The following ROBO2 variants were observed in gnomAD, a reference collection of about 807,000 sequenced individuals.
ROBO2 encodes roundabout guidance receptor 2.
A neutral mutation model predicts 160.8 loss-of-function variants in ROBO2; 53 were observed. That is an observed-to-expected ratio of 0.33 (90% CI 0.26 to 0.41). ROBO2 has a LOEUF of 0.41. ROBO2 is among the 10% of genes least tolerant of loss of function. ROBO2 has a pLI of 1.00. For missense variants in ROBO2, 1,577 were observed against 1,722.4 expected (o/e 0.92, Z 1.49); for synonymous variants, 664 against 611.7 (o/e 1.09, Z -1.26).
chr3:76,398,691 A>G (rs935314903), intron 2 of ROBO2, among the ~76,000 whole-genome samples: 1 of 151,714 alleles, frequency 6.6e-6, no homozygotes, highest in Non-Finnish European at 1.5e-5. Flanking sequence ...TCTAAACTAA[A>G]TATACTAATA....
chr3:77,062,729 G>A (rs562666875), intron 1 of ROBO2, among the ~76,000 whole-genome samples: 1 of 152,252 alleles, frequency 6.6e-6, no homozygotes, highest in South Asian at 2.1e-4. Context: ...CACCAGGAGG[G>A]TCAAGAGGGG....
intron 2 of ROBO2, among the ~76,000 whole-genome samples, chr3:76,394,300 G>A (rs992343485): frequency 1.4e-4 from 21 of 152,110 alleles, no homozygotes; most frequent in Admixed American, 1.2e-3. Flanking sequence ...CTTCCTTCAG[G>A]AGCTCTTTTA....
In ROBO2 at chr3:77,420,103, T is replaced by A. The variant is rs1183650388; in HGVS notation, c.389-57311T>A. Among the ~76,000 whole-genome samples the A allele has an allele frequency of 3.3e-5, 5 of 152,176 alleles. No individual in the cohort carries two copies. In the East Asian group the frequency reaches 9.7e-4, roughly 29 times the overall value. On this transcript the variant is annotated intron_variant, in intron 2 of 25. Coordinates refer to ENST00000461745, the Ensembl canonical transcript of ROBO2. ...CATTCCCCCCAACATTAAAAAAAAATTCTTTAATTTTTAACTTTAAGAAAT... is the reference window on the plus strand; with the variant it reads ...CATTCCCCCCAACATTAAAAAAAAAATCTTTAATTTTTAACTTTAAGAAAT...
At chr3:76,669,919 G>A (rs2092198232) in intron 2 of ROBO2, among the ~76,000 whole-genome samples, 1 of 152,092 alleles carries the variant, frequency 6.6e-6, no homozygotes, top group African/African-American at 2.4e-5. Context: ...AGGGAGACTT[G>A]TTTTCTTATA....
intron 2 of ROBO2, among the ~76,000 whole-genome samples, chr3:77,200,798 GGCT>G (rs1327201553): frequency 1.3e-5 from 2 of 152,048 alleles, no homozygotes; most frequent in African/African-American, 4.8e-5. Flanking sequence ...GTAACTGGAG[GGCT>G]GATATGGTTA....
At chr3:76,967,511 CTTTT>C (rs59372235) in intron 2 of ROBO2, among the ~76,000 whole-genome samples, 4 of 55,386 alleles carry the variant, frequency 7.2e-5, no homozygotes, top group South Asian at 1.9e-3. Context: ...CTGGCCAGCT[CTTTT>C]TTTTTTTTTT....
At chr3:77,404,289 A>G (rs1428711132) in intron 2 of ROBO2, among the ~76,000 whole-genome samples, 1 of 152,140 alleles carries the variant, frequency 6.6e-6, no homozygotes, top group East Asian at 1.9e-4. Context: ...AGGAGGCAAA[A>G]TCATCTCTTA....
intron 2 of ROBO2, among the ~76,000 whole-genome samples, chr3:77,381,270 A>C (rs1424261571): frequency 6.6e-6 from 1 of 152,130 alleles, no homozygotes; most frequent in East Asian, 1.9e-4. Flanking sequence ...AGCCGAGATC[A>C]CGCCACTGCA....
intron 1 of ROBO2, among the ~76,000 whole-genome samples, chr3:77,092,752 G>A (rs1368452053): frequency 6.7e-6 from 1 of 149,736 alleles, no homozygotes; most frequent in Non-Finnish European, 1.5e-5. Context: ...AATTAGAATT[G>A]TAGATAGTTA....
intron 2 of ROBO2, among the ~76,000 whole-genome samples, chr3:77,455,650 T>TA (rs2081554522): frequency 6.6e-6 from 1 of 152,078 alleles, no homozygotes; most frequent in Non-Finnish European, 1.5e-5. Flanking sequence ...CAGGATGGTC[T>TA]CGATCTCCTG....
chr3:76,253,593 T>C (rs924632109), intron 2 of ROBO2, among the ~76,000 whole-genome samples: 2 of 150,046 alleles, frequency 1.3e-5, no homozygotes, highest in African/African-American at 4.9e-5. Flanking sequence ...ATCTAAGATA[T>C]TATCTAGTTG....
chr3:77,544,538 C>T (rs1051919864), intron 6 of ROBO2, among the ~76,000 whole-genome samples: 3 of 152,030 alleles, frequency 2.0e-5, no homozygotes, highest in African/African-American at 7.2e-5. Context: ...CAATACAAAT[C>T]CCAGGGAATT....
At chr3:76,313,778 T>C (rs2071770158) in intron 2 of ROBO2, among the ~76,000 whole-genome samples, 1 of 152,170 alleles carries the variant, frequency 6.6e-6, no homozygotes, top group Non-Finnish European at 1.5e-5. Context: ...ACTGCCTATG[T>C]GCATTTGTCT....
At chr3:76,841,320 G>A (rs971832604) in intron 2 of ROBO2, among the ~76,000 whole-genome samples, 10 of 152,056 alleles carry the variant, frequency 6.6e-5, no homozygotes, top group East Asian at 1.9e-4. Context: ...AGCTCTCCAC[G>A]ATTTCCTCTG....
At chr3:76,115,445 G>T (rs1576919802) in intron 2 of ROBO2, among the ~76,000 whole-genome samples, 1 of 152,150 alleles carries the variant, frequency 6.6e-6, no homozygotes, top group Admixed American at 6.6e-5. Context: ...TAAAGATTTG[G>T]ATTCAAATCC....
chr3:76,705,667 G>A (rs2093146197), intron 2 of ROBO2, among the ~76,000 whole-genome samples: 1 of 152,056 alleles, frequency 6.6e-6, no homozygotes, highest in African/African-American at 2.4e-5. Flanking sequence ...AAGAAATACA[G>A]GTTAATTTTA....
intron 2 of ROBO2, among the ~76,000 whole-genome samples, chr3:76,659,391 T>C (rs547345747): frequency 6.7e-6 from 1 of 149,810 alleles, no homozygotes; most frequent in Non-Finnish European, 1.5e-5. Flanking sequence ...CTATGTAATA[T>C]ATATAATATT....
chr3:77,453,522 A>G (rs1363136345), intron 2 of ROBO2, among the ~76,000 whole-genome samples: 2 of 151,972 alleles, frequency 1.3e-5, no homozygotes, highest in East Asian at 3.9e-4. Context: ...TAGATAATCT[A>G]CTCTGATTTC....
intron 2 of ROBO2, among the ~76,000 whole-genome samples, chr3:77,210,638 G>A (rs1048651257): frequency 1.3e-5 from 2 of 152,224 alleles, no homozygotes; most frequent in East Asian, 1.9e-4. Context: ...TGCACAACGT[G>A]CAGGTTTGTT....
Sources: gnomAD v4.1 joint callset for allele counts (sites outside exome capture counted in the v4.1 genomes callset) on GRCh38, gnomAD v4.1.1 for gene constraint, MANE v1.5 for transcripts, NCBI Gene and HGNC (gene_info 2026-07-23, HGNC 2026-07-21) for gene names.